The following CACNA1B variants were observed in gnomAD, a reference collection of about 807,000 sequenced individuals.
CACNA1B encodes the protein calcium voltage-gated channel subunit alpha1 B.
CACNA1B carries 70 observed loss-of-function variants against 247.2 expected under a neutral mutation model. The ratio of observed to expected loss-of-function variants is 0.28; its 90% CI spans 0.23 to 0.35. The LOEUF is 0.35. CACNA1B is among the 10% of genes least tolerant of loss of function. The probability of loss-of-function intolerance (pLI) is 1.00; values close to 1 mark genes in which losing one functional copy is unlikely to be tolerated. For synonymous variants in CACNA1B, 1,231 were observed against 1,294.4 expected (o/e 0.95, Z 1.05); for missense variants, 2,367 against 3,197.4 (o/e 0.74, Z 6.26).
chr9:138,088,924 A>G (rs1436268835), intron 36 of CACNA1B, among the ~76,000 whole-genome samples: 2 of 129,482 alleles, frequency 1.5e-5, no homozygotes, highest in East Asian at 5.4e-4. Context: ...GCGCCATTGC[A>G]CTCCAGCCTG....
intron 6 of CACNA1B, among the ~76,000 whole-genome samples, chr9:137,942,565 C>T (rs564716966): frequency 4.6e-4 from 70 of 152,302 alleles, no homozygotes; most frequent in African/African-American, 1.7e-3. Context: ...AAATGTGGAA[C>T]CAACCCAAAT....
At position 137,971,096 on chromosome 9, in the gene CACNA1B, G is replaced by T. The variant is rs1203310060; in HGVS notation, c.1334-287G>T. Among the ~76,000 whole-genome samples the T allele has an allele frequency of 6.6e-6, 1 of 152,108 alleles. No homozygotes were observed. Among genetic ancestry groups the T allele is most frequent in the African/African-American group, 2.4e-5 (1 of 41,398 alleles). On this transcript the variant is annotated intron_variant, in intron 10 of 46. Transcript: ENST00000371372. The surrounding 1 kb of genome is among the most constrained non-coding windows in gnomAD (Gnocchi z 4.4). ...ATGGAGAGTGGCCTGGGGGCATCAGGGCTGTGCTCCTAGAAGGTGGCTGGG... is the reference window on the plus strand; with the variant it reads ...ATGGAGAGTGGCCTGGGGGCATCAGTGCTGTGCTCCTAGAAGGTGGCTGGG...
At chr9:138,101,814 G>A (rs1048283480) in intron 37 of CACNA1B, among the ~76,000 whole-genome samples, 4 of 152,220 alleles carry the variant, frequency 2.6e-5, no homozygotes, top group African/African-American at 9.6e-5. Flanking sequence ...TTTCTCTCCT[G>A]GGCCACCTGA....
chr9:138,037,201 A>T (rs1006411303), intron 20 of CACNA1B, among the ~76,000 whole-genome samples: 1 of 152,346 alleles, frequency 6.6e-6, no homozygotes, highest in South Asian at 2.1e-4. Context: ...GTTACCTGGT[A>T]ATTAGATCCG....
intron 37 of CACNA1B, among the ~76,000 whole-genome samples, chr9:138,099,484 C>T (rs1961176177): frequency 1.3e-5 from 2 of 150,394 alleles, no homozygotes; most frequent in Admixed American, 6.6e-5. Flanking sequence ...TGTGCACATG[C>T]CCGTGTGTGC....
At chr9:137,923,213 T>C (rs1957507494) in intron 6 of CACNA1B, among the ~76,000 whole-genome samples, 1 of 151,350 alleles carries the variant, frequency 6.6e-6, no homozygotes, top group African/African-American at 2.4e-5. Flanking sequence ...CCAGGTGGTA[T>C]TCCGTGGTGC....
intron 22 of CACNA1B, 129 bp from the exon 23 acceptor site, chr9:138,047,270 G>A (rs570659934): frequency 4.5e-5 from 35 of 786,110 alleles, no homozygotes; most frequent in African/African-American, 1.2e-4. Context: ...TCCCAGAACC[G>A]TTTTCCACAG....
chr9:138,109,586 A>T (rs1961552292), intron 39 of CACNA1B, among the ~76,000 whole-genome samples: 2 of 151,926 alleles, frequency 1.3e-5, no homozygotes. Context: ...CCCCACAGGA[A>T]CTCCTTGAAC....
intron 15 of CACNA1B, among the ~76,000 whole-genome samples, chr9:137,998,020 T>A (rs945439948): frequency 6.6e-6 from 1 of 152,210 alleles, no homozygotes; most frequent in African/African-American, 2.4e-5. Context: ...CAATGTCATA[T>A]ACTGTTTATG....
chr9:138,101,670 G>T (rs2131348710), intron 37 of CACNA1B, among the ~76,000 whole-genome samples: 1 of 152,356 alleles, frequency 6.6e-6, no homozygotes, highest in South Asian at 2.1e-4. Context: ...AGGCAGAGTG[G>T]GGGCCAAAGA....
chr9:138,121,531 C>T lies in CACNA1B; in HGVS notation c.6552C>T (p.Arg2184=), dbSNP rs200376348. ...LSTSGASTPG[R]GGRRQLPQTP... ...CATCTGGTGCTAGCACCCCCGGCCG[C>T]GGTGGGCGGAGGCAGCTCCCCCAGA... Residue 2184 remains arginine, a synonymous_variant, in exon 47 of 47, where the codon CGC becomes CGT. Transcript: ENST00000371372. The surrounding 1 kb of genome is among the most constrained non-coding windows in gnomAD (Gnocchi z 6.8). 147 of 1,582,562 alleles carry T rather than the reference C, an allele frequency of 9.3e-5. No homozygotes were observed. The highest frequency in any genetic ancestry group is 1.2e-4 in the Non-Finnish European group (134 of 1,162,192).
At chr9:137,996,016 T>C (rs1831626140) in intron 15 of CACNA1B, among the ~76,000 whole-genome samples, 1 of 152,174 alleles carries the variant, frequency 6.6e-6, no homozygotes, top group Non-Finnish European at 1.5e-5. Flanking sequence ...TAGATGTTGG[T>C]GTGGATGTGG....
chr9:138,082,152 C>T (rs1589117644), intron 36 of CACNA1B, among the ~76,000 whole-genome samples: 1 of 151,062 alleles, frequency 6.6e-6, no homozygotes, highest in East Asian at 2.0e-4. Context: ...TTTGTCTACT[C>T]AAAATTAAAA....
At chr9:138,111,204 G>A (rs1378954) in intron 39 of CACNA1B, among the ~76,000 whole-genome samples, 134,414 of 152,296 alleles carry the variant, frequency 0.88, 60,134 homozygotes, top group Middle Eastern at 0.98. Flanking sequence ...TCTATGTGCA[G>A]ATGTTTACAG....
At position 138,050,803 on chromosome 9, in the gene CACNA1B, C is replaced by T. The variant is rs981472321; in HGVS notation, c.3711-1289C>T. Among the ~76,000 whole-genome samples, 5 of 152,152 alleles carry T rather than the reference C, an allele frequency of 3.3e-5. No individual in the cohort carries two copies. Among genetic ancestry groups the T allele is most frequent in the African/African-American group, 1.2e-4 (5 of 41,432 alleles). On this transcript the variant is annotated intron_variant, in intron 24 of 46. Transcript: ENST00000371372. This position sits in a 1 kb window ranked among gnomAD's most constrained non-coding sequence, Gnocchi z 5.2. ...GGTTTGAGAGTGGGTGTCGGGAGCA[C>T]TGGGGTGATGGAGACAGGAGGCTGG... is the stretch of plus-strand genomic sequence containing the variant.
chr9:138,119,107 G>A (rs989638981), intron 44 of CACNA1B, among the ~76,000 whole-genome samples: 2 of 152,176 alleles, frequency 1.3e-5, no homozygotes, highest in East Asian at 1.9e-4. Flanking sequence ...CCTTTCCGGG[G>A]CTCTACTCCC....
At chr9:138,039,414 G>T (rs1377083109) in intron 20 of CACNA1B, among the ~76,000 whole-genome samples, 1 of 151,956 alleles carries the variant, frequency 6.6e-6, no homozygotes, top group Admixed American at 6.6e-5. Context: ...TGCTTCTACT[G>T]CATAGAAATA....
At position 137,917,132 on chromosome 9, in the gene CACNA1B, C is replaced by A; in HGVS notation, c.776-109C>A. The A allele has an allele frequency of 1.1e-6, 1 of 935,978 alleles. No homozygotes were observed. Among genetic ancestry groups the A allele is most frequent in the Non-Finnish European group, 1.6e-6 (1 of 622,586 alleles). 58.0% of individuals were successfully genotyped at this position (935,978 alleles called of 1,614,324 possible). On this transcript the variant is annotated intron_variant, in intron 5 of 46. Coordinates refer to ENST00000371372, the MANE Select transcript of CACNA1B (RefSeq NM_000718.4). This position sits in a 1 kb window ranked among gnomAD's most constrained non-coding sequence, Gnocchi z 5.5. ...GTTGAGGGAGAGTTTCTGTTGGTGG[C>A]TGGTTCCTGCCCACCTGCTGTGAGC...
chr9:138,004,077 C>T (rs1254617457), intron 15 of CACNA1B, among the ~76,000 whole-genome samples: 3 of 151,932 alleles, frequency 2.0e-5, no homozygotes, highest in East Asian at 1.9e-4. Context: ...GTGAAGTCGG[C>T]GAAGGTGTGC....
Sources: gnomAD v4.1 joint callset for allele counts (sites outside exome capture counted in the v4.1 genomes callset) on GRCh38, gnomAD v4.1.1 for gene constraint, Gnocchi (gnomAD v3.1) non-coding constraint, MANE v1.5 for transcripts, NCBI Gene and HGNC (gene_info 2026-07-23, HGNC 2026-07-21) for gene names.